Variants in DPP6 observed in about 807,000 individuals in gnomAD.
The protein encoded by DPP6 is A-type potassium channel modulatory protein DPP6.
A neutral mutation model predicts 122.6 loss-of-function variants in DPP6; 69 were observed. The observed-to-expected ratio is 0.56, with a 90% confidence interval of 0.46 to 0.69. DPP6 has a LOEUF of 0.69. Ranked by LOEUF, DPP6 falls within the 30% of genes least tolerant of loss-of-function variation. The pLI is 0.00. For synonymous variants in DPP6, 418 were observed against 433.1 expected (o/e 0.97, Z 0.43); for missense variants, 928 against 1,116.9 (o/e 0.83, Z 2.41).
At chr7:154,684,157 C>G (rs1839453761) in intron 7 of DPP6, among the ~76,000 whole-genome samples, 1 of 152,186 alleles carries the variant, frequency 6.6e-6, no homozygotes, top group African/African-American at 2.4e-5. Flanking sequence ...GCATGAGCCA[C>G]TGTGCCCAGC....
intron 5 of DPP6, among the ~76,000 whole-genome samples, chr7:154,613,897 T>C (rs1031365723): frequency 3.3e-5 from 5 of 152,204 alleles, no homozygotes; most frequent in Non-Finnish European, 7.4e-5. Flanking sequence ...TCCATCAGCA[T>C]GCAACCACAT....
intron 1 of DPP6, among the ~76,000 whole-genome samples, chr7:154,074,473 A>C (rs1338820462): frequency 1.3e-5 from 2 of 152,206 alleles, no homozygotes; most frequent in African/African-American, 4.8e-5. Flanking sequence ...CAGAATAAGT[A>C]AATCAGTGGA....
intron 1 of DPP6, among the ~76,000 whole-genome samples, chr7:153,993,919 G>T (rs1052357083): frequency 1.3e-5 from 2 of 152,102 alleles, no homozygotes; most frequent in African/African-American, 4.8e-5. Flanking sequence ...CAACTCTAAC[G>T]ATTCTAGAAG....
intron 1 of DPP6, among the ~76,000 whole-genome samples, chr7:153,895,728 G>GCACACACA (rs10599371): frequency 2.3e-4 from 35 of 149,948 alleles, no homozygotes; most frequent in African/African-American, 6.4e-4. Flanking sequence ...GTGCATGCGT[G>GCACACACA]CACACACACA....
chr7:154,702,364 G>A (rs1179170485), intron 7 of DPP6, among the ~76,000 whole-genome samples: 1 of 152,238 alleles, frequency 6.6e-6, no homozygotes, highest in Non-Finnish European at 1.5e-5. Context: ...GCTTAATGAG[G>A]AAGGCATGTC....
chr7:154,642,333 C>T (rs1836156505), intron 6 of DPP6, among the ~76,000 whole-genome samples: 1 of 152,146 alleles, frequency 6.6e-6, no homozygotes, highest in Admixed American at 6.5e-5. Flanking sequence ...TGGCTCATGC[C>T]TGTAATCCCA....
At chr7:154,822,233 G>A (rs75011423) in intron 16 of DPP6, among the ~76,000 whole-genome samples, 3,042 of 152,300 alleles carry the variant, frequency 0.02, 99 homozygotes, top group African/African-American at 0.07. Flanking sequence ...CCTGGCAGCT[G>A]TAACAAAATA....
At chr7:153,913,422 C>G (rs920561407) in intron 1 of DPP6, among the ~76,000 whole-genome samples, 1 of 152,204 alleles carries the variant, frequency 6.6e-6, no homozygotes, top group African/African-American at 2.4e-5. Flanking sequence ...ATCACTCTTA[C>G]AACAGAGATT....
At chr7:154,594,758 C>T (rs1004989685) in intron 5 of DPP6, among the ~76,000 whole-genome samples, 7 of 152,242 alleles carry the variant, frequency 4.6e-5, no homozygotes, top group African/African-American at 7.2e-5. Context: ...GGACAAGTTT[C>T]GGACTAATGC....
chr7:154,874,281 A>G (rs1367639168), intron 19 of DPP6, among the ~76,000 whole-genome samples: 8 of 152,202 alleles, frequency 5.3e-5, no homozygotes. Context: ...GGAAATCCCC[A>G]AAAGCATTTC....
At chr7:154,747,819 A>G (rs1843105599) in intron 8 of DPP6, among the ~76,000 whole-genome samples, 1 of 152,158 alleles carries the variant, frequency 6.6e-6, no homozygotes, top group Non-Finnish European at 1.5e-5. Flanking sequence ...TTTTTTCTGT[A>G]CGGTGCATGG....
At chr7:154,081,370 G>A (rs567389603) in intron 1 of DPP6, among the ~76,000 whole-genome samples, 7 of 146,156 alleles carry the variant, frequency 4.8e-5, no homozygotes, top group African/African-American at 1.7e-4. Context: ...GATTCACTGT[G>A]CCATGGAAAA....
At chr7:154,867,515 G>A (rs1803988241) in intron 17 of DPP6, among the ~76,000 whole-genome samples, 1 of 152,210 alleles carries the variant, frequency 6.6e-6, no homozygotes. Flanking sequence ...CTTATCTTCT[G>A]TTTTGGGAGA....
At chr7:154,349,333 A>C (rs1394367251) in intron 1 of DPP6, among the ~76,000 whole-genome samples, 3 of 152,014 alleles carry the variant, frequency 2.0e-5, no homozygotes, top group African/African-American at 7.2e-5. Flanking sequence ...ACGCCACCAC[A>C]CCTGGCTAAT....
chr7:154,499,756 C>G (rs1314755806), intron 3 of DPP6, among the ~76,000 whole-genome samples: 1 of 152,096 alleles, frequency 6.6e-6, no homozygotes. Context: ...CACCAACCCC[C>G]CCAGATCCCA....
chr7:154,751,110 G>A (rs1462745458), intron 8 of DPP6, among the ~76,000 whole-genome samples: 1 of 152,172 alleles, frequency 6.6e-6, no homozygotes, highest in Non-Finnish European at 1.5e-5. Context: ...TAGGCAGATG[G>A]ATGTGCTGGG....
chr7:154,593,531 G>A (rs1832922610), intron 5 of DPP6, among the ~76,000 whole-genome samples: 1 of 152,142 alleles, frequency 6.6e-6, no homozygotes, highest in South Asian at 2.1e-4. Context: ...TCTTTATTCA[G>A]AATCTTAGGA....
chr7:153,928,118 G>T (rs1031358693), intron 1 of DPP6, among the ~76,000 whole-genome samples: 4 of 75,532 alleles, frequency 5.3e-5, no homozygotes, highest in Non-Finnish European at 1.3e-4. Flanking sequence ...CTTAAAAACA[G>T]CAGAAATTTA....
chr7:154,813,357 A>C (rs1799195199), intron 16 of DPP6, among the ~76,000 whole-genome samples: 1 of 152,180 alleles, frequency 6.6e-6, no homozygotes, highest in Non-Finnish European at 1.5e-5. Context: ...TGCTGGGATT[A>C]CAGGCATGAG....
Sources: allele counts gnomAD v4.1 joint callset (sites outside exome capture counted in the v4.1 genomes callset), GRCh38; gene constraint gnomAD v4.1.1; transcripts MANE v1.5; gene names NCBI Gene and HGNC (gene_info 2026-07-23, HGNC 2026-07-21).